The following NXN variants were observed in gnomAD, a reference collection of about 807,000 sequenced individuals.
The protein encoded by NXN is nucleoredoxin 1.
Under a neutral mutation model 48.6 loss-of-function variants are expected in NXN, and 16 were observed. That is an observed-to-expected ratio of 0.33 (90% CI 0.22 to 0.50). NXN has a LOEUF of 0.50. Among genes scored for constraint, NXN ranks in the 20% least tolerant of loss-of-function variants. NXN has a pLI of 0.98. For missense variants in NXN, 492 were observed against 605.5 expected (o/e 0.81, Z 1.97); for synonymous variants, 281 against 269.6 (o/e 1.04, Z -0.41).
chr17:889,705 AAG>A (rs1343664748), intron 1 of NXN, among the ~76,000 whole-genome samples: 3 of 43,706 alleles, frequency 6.9e-5, no homozygotes, highest in East Asian at 4.4e-4. Flanking sequence ...AAGAAAAAGA[AAG>A]AAAGAAAGAA....
intron 1 of NXN, among the ~76,000 whole-genome samples, chr17:972,043 G>T (rs8082209): frequency 0.35 from 52,635 of 152,036 alleles, 9,225 homozygotes; most frequent in Admixed American, 0.4. Context: ...GCTCACACCC[G>T]TAAGCCCAGC....
intron 1 of NXN, among the ~76,000 whole-genome samples, chr17:897,754 C>G (rs141912707): frequency 1.3e-5 from 2 of 152,168 alleles, no homozygotes; most frequent in African/African-American, 4.8e-5. Flanking sequence ...CGGCTCACTG[C>G]AACCTCGGCC....
At chr17:904,648 A>T (rs1464544922) in intron 1 of NXN, among the ~76,000 whole-genome samples, 1 of 152,028 alleles carries the variant, frequency 6.6e-6, no homozygotes, top group Non-Finnish European at 1.5e-5. Context: ...GGTTCAAGCG[A>T]TTCTCCTGCC....
intron 1 of NXN, among the ~76,000 whole-genome samples, chr17:911,501 T>G (rs919525689): frequency 2.0e-5 from 3 of 152,054 alleles, no homozygotes; most frequent in East Asian, 3.9e-4. Context: ...CTAATTTTTT[T>G]TGTATTTTTT....
At chr17:823,907 A>G in intron 2 of NXN, 142 bp from the exon 3 acceptor site, 2 of 715,838 alleles carry the variant, frequency 2.8e-6, no homozygotes, top group Non-Finnish European at 4.6e-6. Flanking sequence ...CAAGATAATC[A>G]TCAAACAGTA....
intron 1 of NXN, among the ~76,000 whole-genome samples, chr17:968,748 G>A (rs964022107): frequency 1.5e-4 from 23 of 151,876 alleles, no homozygotes; most frequent in African/African-American, 4.1e-4. Flanking sequence ...GACCAGCCTC[G>A]TCAAGATAGT....
chr17:841,138 T>C (rs969895006), intron 1 of NXN, among the ~76,000 whole-genome samples: 11 of 152,200 alleles, frequency 7.2e-5, no homozygotes, highest in African/African-American at 2.7e-4. Context: ...ACTGTGTGGA[T>C]AGATCGTAGG....
chr17:899,988 G>A (rs912994315), intron 1 of NXN, among the ~76,000 whole-genome samples: 2 of 152,172 alleles, frequency 1.3e-5, no homozygotes, highest in Non-Finnish European at 2.9e-5. Context: ...TCTGAGGGCC[G>A]GGCGTGGTGG....
At chr17:806,946 A>G (rs1002025053) in intron 5 of NXN, among the ~76,000 whole-genome samples, 17 of 149,124 alleles carry the variant, frequency 1.1e-4, no homozygotes, top group African/African-American at 3.7e-4. Flanking sequence ...ACACACACAC[A>G]CGCACGCGCC....
intron 1 of NXN, among the ~76,000 whole-genome samples, chr17:854,055 ATG>A (rs1322981729): frequency 1.3e-5 from 2 of 152,116 alleles, no homozygotes; most frequent in East Asian, 3.9e-4. Context: ...TTGTTGAATC[ATG>A]TGTGTCCCCC....
At chr17:803,849 A>G in intron 6 of NXN, 43 bp from the exon 7 acceptor site, 1 of 1,611,170 alleles carries the variant, frequency 6.2e-7, no homozygotes, top group Non-Finnish European at 8.5e-7. Context: ...GAGAAAAAGC[A>G]CTGGCTTGTC....
At chr17:961,262 C>T (rs2069233554) in intron 1 of NXN, among the ~76,000 whole-genome samples, 1 of 151,762 alleles carries the variant, frequency 6.6e-6, no homozygotes, top group Non-Finnish European at 1.5e-5. Context: ...GGTGTGGTGG[C>T]GCGTGCCTGC....
chr17:896,862 C>CGGG, intron 1 of NXN: 1 of 576,072 alleles, frequency 1.7e-6, no homozygotes, highest in Non-Finnish European at 2.7e-6. Flanking sequence ...TGACCACCCG[C>CGGG]CCCCGGCCCC....
intron 1 of NXN, among the ~76,000 whole-genome samples, chr17:960,975 G>A (rs1024967285): frequency 2.4e-4 from 37 of 151,722 alleles, no homozygotes; most frequent in African/African-American, 8.2e-4. Context: ...TAGTAGAGAC[G>A]GGGTTTCACC....
chr17:940,569 G>A (rs1016460411), intron 1 of NXN, among the ~76,000 whole-genome samples: 8 of 152,222 alleles, frequency 5.3e-5, no homozygotes, highest in Non-Finnish European at 7.3e-5. Flanking sequence ...AACCAGGTAC[G>A]GACGGCATGC....
intron 1 of NXN, among the ~76,000 whole-genome samples, chr17:963,831 A>G (rs1164078173): frequency 6.6e-6 from 1 of 152,208 alleles, no homozygotes; most frequent in Non-Finnish European, 1.5e-5. Context: ...TCATCCCAGC[A>G]CTTTGGGAGG....
rs528366973 is a variant in NXN, at chr17:934,181, C to T, written c.360+45138G>A. On this transcript the variant is annotated intron_variant, in intron 1 of 7. Coordinates refer to ENST00000336868, the MANE Select transcript of NXN (RefSeq NM_022463.5). ...CCCCGGGAGGCCGGGCGCGGTGGCT[C>T]ACGCCTGTAATCCCAGCACTTTGGG... Among the ~76,000 whole-genome samples, 7 of 152,196 alleles carry T rather than the reference C, an allele frequency of 4.6e-5. No individual in the cohort carries two copies. The East Asian group carries it at 1.2e-3, about 25-fold the overall frequency.
At chr17:805,483 C>T (rs1911443701) in intron 5 of NXN, among the ~76,000 whole-genome samples, 1 of 152,202 alleles carries the variant, frequency 6.6e-6, no homozygotes, top group Non-Finnish European at 1.5e-5. Flanking sequence ...GTCACCTTCG[C>T]CTTTCAGGGC....
At chr17:904,513 C>T (rs528916096) in intron 1 of NXN, among the ~76,000 whole-genome samples, 2 of 152,140 alleles carry the variant, frequency 1.3e-5, no homozygotes, top group African/African-American at 4.8e-5. Flanking sequence ...CCATCAGTAA[C>T]AGGAACTCAC....
Sources: allele counts gnomAD v4.1 joint callset (sites outside exome capture counted in the v4.1 genomes callset), GRCh38; gene constraint gnomAD v4.1.1; transcripts MANE v1.5; gene names NCBI Gene and HGNC (gene_info 2026-07-23, HGNC 2026-07-21).